Variants in IKZF3 observed in about 807,000 individuals in gnomAD.
The protein encoded by IKZF3 is zinc finger protein Aiolos.
IKZF3 carries 10 observed loss-of-function variants against 49.0 expected under a neutral mutation model. The ratio of observed to expected loss-of-function variants is 0.20; its 90% CI spans 0.13 to 0.35. The LOEUF is 0.35. IKZF3 is among the 10% of genes least tolerant of loss of function. The pLI is 1.00. For missense variants in IKZF3, 498 were observed against 664.8 expected, an observed-to-expected ratio of 0.75 and a Z score of 2.76; for synonymous variants, 209 against 228.2, an observed-to-expected ratio of 0.92 and a Z score of 0.76.
chr17:39,824,147 C>T (rs1489222237), intron 3 of IKZF3, among the ~76,000 whole-genome samples: 3 of 152,240 alleles, frequency 2.0e-5, no homozygotes, highest in African/African-American at 4.8e-5. Context: ...CCACCTCTTG[C>T]ATCAGCGTGA....
intron 5 of IKZF3, 124 bp downstream of exon 5, chr17:39,791,292 C>T (rs932808129): frequency 1.7e-5 from 17 of 984,608 alleles, no homozygotes; most frequent in Admixed American, 1.3e-4. Context: ...GAGGTCTCTG[C>T]TGTTGTAACC....
chr17:39,859,266 T>C (rs2063150630), intron 1 of IKZF3, among the ~76,000 whole-genome samples: 1 of 151,824 alleles, frequency 6.6e-6, no homozygotes. Flanking sequence ...AATAAAGTTA[T>C]ACACAGATTA....
intron 3 of IKZF3, among the ~76,000 whole-genome samples, chr17:39,814,713 G>C (rs77757451): frequency 0.02 from 3,030 of 152,116 alleles, 112 homozygotes; most frequent in African/African-American, 0.07. Context: ...GGCATTGCTG[G>C]AAGTCACCAG....
intron 3 of IKZF3, among the ~76,000 whole-genome samples, chr17:39,818,019 C>T (rs1366085270): frequency 6.6e-6 from 1 of 152,164 alleles, no homozygotes; most frequent in Non-Finnish European, 1.5e-5. Context: ...TGTATTTATA[C>T]AAACCTAGAC....
intron 3 of IKZF3, among the ~76,000 whole-genome samples, chr17:39,823,645 G>A (rs1413672069): frequency 6.6e-6 from 1 of 152,164 alleles, no homozygotes; most frequent in Non-Finnish European, 1.5e-5. Flanking sequence ...CTCAGGACAT[G>A]GTGCTCTGTG....
intron 1 of IKZF3, among the ~76,000 whole-genome samples, chr17:39,859,844 A>G (rs1480481283): frequency 6.6e-6 from 1 of 152,250 alleles, no homozygotes; most frequent in Non-Finnish European, 1.5e-5. Context: ...ACATTTATTG[A>G]GCACCTACTA....
chr17:39,803,368 T>C (rs1422389581), intron 3 of IKZF3, among the ~76,000 whole-genome samples: 5 of 152,188 alleles, frequency 3.3e-5, no homozygotes, highest in Non-Finnish European at 7.4e-5. Context: ...ATGGATGAAA[T>C]ACATTTAAAG....
At chr17:39,803,587 C>T (rs895164173) in intron 3 of IKZF3, among the ~76,000 whole-genome samples, 3 of 150,590 alleles carry the variant, frequency 2.0e-5, no homozygotes, top group Non-Finnish European at 2.9e-5. Flanking sequence ...GATCTCGGCT[C>T]ACAGCAACCT....
chr17:39,791,002 G>C (rs1438713135), intron 5 of IKZF3, among the ~76,000 whole-genome samples: 2 of 152,004 alleles, frequency 1.3e-5, no homozygotes, highest in Non-Finnish European at 2.9e-5. Flanking sequence ...CCAGATCACA[G>C]TTTTTCATAA....
At chr17:39,792,286 T>C (rs1340068661) in intron 4 of IKZF3, among the ~76,000 whole-genome samples, 1 of 152,172 alleles carries the variant, frequency 6.6e-6, no homozygotes, top group African/African-American at 2.4e-5. Flanking sequence ...AAAAACTATG[T>C]CCTTTCATTT....
chr17:39,788,177 T>C, intron 6 of IKZF3, 81 bp downstream of exon 6: 1 of 805,600 alleles, frequency 1.2e-6, no homozygotes, highest in Non-Finnish European at 2.1e-6. Flanking sequence ...AAATATAAAC[T>C]CCACGAGTCT....
intron 1 of IKZF3, among the ~76,000 whole-genome samples, chr17:39,851,835 T>C (rs1431743996): frequency 6.6e-6 from 1 of 152,072 alleles, no homozygotes; most frequent in African/African-American, 2.4e-5. Context: ...TACTCACACA[T>C]CTCCAAATAT....
chr17:39,798,507 ATTTTTTT>A (rs35545323), intron 3 of IKZF3, among the ~76,000 whole-genome samples: 1 of 138,180 alleles, frequency 7.2e-6, no homozygotes, highest in African/African-American at 2.6e-5. Flanking sequence ...CATCCTACGT[ATTTTTTT>A]TTTTTTTTTG....
intron 3 of IKZF3, among the ~76,000 whole-genome samples, chr17:39,805,865 A>C (rs998417064): frequency 1.3e-5 from 2 of 152,252 alleles, no homozygotes; most frequent in African/African-American, 4.8e-5. Flanking sequence ...TGGCCAACAA[A>C]CTGCAATCTA....
chr17:39,780,178 T>C (rs893997822), intron 6 of IKZF3, among the ~76,000 whole-genome samples: 1 of 151,384 alleles, frequency 6.6e-6, no homozygotes. Context: ...AAGACCACAA[T>C]TACTTTTGCA....
intron 3 of IKZF3, among the ~76,000 whole-genome samples, chr17:39,795,973 T>G (rs981145970): frequency 6.6e-6 from 1 of 151,188 alleles, no homozygotes; most frequent in Admixed American, 6.6e-5. Flanking sequence ...ACCTGGGAGG[T>G]GGAGGTTGCA....
At chr17:39,784,264 C>T (rs1302948734) in intron 6 of IKZF3, among the ~76,000 whole-genome samples, 4 of 152,158 alleles carry the variant, frequency 2.6e-5, no homozygotes, top group African/African-American at 9.7e-5. Flanking sequence ...AAGAATCAAG[C>T]TAATGGGAAA....
At chr17:39,825,884 C>G (rs1001290782) in intron 3 of IKZF3, among the ~76,000 whole-genome samples, 1 of 152,068 alleles carries the variant, frequency 6.6e-6, no homozygotes, top group Non-Finnish European at 1.5e-5. Context: ...AATCATGGTA[C>G]CTTAGGAATG....
At chr17:39,835,687 A>C (rs1324879826) in intron 1 of IKZF3, 4 of 462,494 alleles carry the variant, frequency 8.6e-6, no homozygotes, top group Admixed American at 2.5e-5. Context: ...GATGTGTCCA[A>C]GATCTGGGAC....
Sources: allele counts gnomAD v4.1 joint callset (sites outside exome capture counted in the v4.1 genomes callset), GRCh38; gene constraint gnomAD v4.1.1; transcripts MANE v1.5; gene names NCBI Gene and HGNC (gene_info 2026-07-23, HGNC 2026-07-21).